PIBF1: variants seen among roughly 807,000 people sequenced by gnomAD.
PIBF1 encodes the protein progesterone-induced-blocking factor 1.
PIBF1 carries 90 observed loss-of-function variants against 112.5 expected under a neutral mutation model. The observed-to-expected ratio is 0.80, with a 90% CI of 0.67 to 0.95. The LOEUF (loss-of-function observed/expected upper bound fraction) is 0.95, where lower values mean the gene tolerates loss of function less well. Ranked by LOEUF, PIBF1 falls within the 40% of genes least tolerant of loss-of-function variation. The pLI, the probability that PIBF1 is intolerant of heterozygous loss-of-function variation, is 0.00. For missense variants in PIBF1, 915 were observed against 852.3 expected (o/e 1.07, Z -0.92); for synonymous variants, 301 against 288.6 (o/e 1.04, Z -0.44).
intron 17 of PIBF1, among the ~76,000 whole-genome samples, chr13:72,999,626 A>G (rs539016878): frequency 1.2e-4 from 18 of 152,336 alleles, no homozygotes; most frequent in African/African-American, 3.8e-4. Context: ...GTTGAATATA[A>G]TAGTCAAATA....
intron 5 of PIBF1, 33 bp downstream of exon 5, chr13:72,798,059 G>A (rs2035282778): frequency 5.8e-6 from 9 of 1,564,402 alleles, no homozygotes; most frequent in African/African-American, 1.4e-5. Context: ...GTGGGAAGAA[G>A]CTTCGGCTTT....
chr13:72,968,657 A>G (rs1484105673), intron 15 of PIBF1, among the ~76,000 whole-genome samples: 1 of 152,036 alleles, frequency 6.6e-6, no homozygotes, highest in Non-Finnish European at 1.5e-5. Context: ...ATTCTATTAA[A>G]ATTAAATTGT....
At chr13:72,914,245 T>A (rs2041005637) in intron 12 of PIBF1, among the ~76,000 whole-genome samples, 1 of 152,204 alleles carries the variant, frequency 6.6e-6, no homozygotes, top group Non-Finnish European at 1.5e-5. Context: ...AATTAAAGTA[T>A]CTTATTTATA....
At chr13:72,828,684 G>A (rs529368703) in intron 8 of PIBF1, among the ~76,000 whole-genome samples, 152 of 152,246 alleles carry the variant, frequency 1.0e-3, no homozygotes, top group African/African-American at 3.3e-3. Flanking sequence ...GTCTGTTATT[G>A]AAGGACATTT....
At chr13:72,821,111 T>C (rs894847276) in intron 5 of PIBF1, among the ~76,000 whole-genome samples, 1 of 152,158 alleles carries the variant, frequency 6.6e-6, no homozygotes, top group African/African-American at 2.4e-5. Context: ...GGGAACAGGT[T>C]AGAAGCAGCA....
chr13:72,795,522 C>T lies in PIBF1; in HGVS notation c.517C>T (p.Pro173Ser). The change falls in exon 4 of 18, where the codon CCT becomes TCT. Residue 173 changes from proline to serine, a missense_variant. Physicochemically the swap from Pro to Ser is moderately conservative, Grantham distance 74. Transcript: ENST00000326291. The part of the protein sequence containing the change: ...EEQYIKLKAF[P>S]EDQLSIPEYV... ...GCAATATATTAAATTAAAAGCTTTTCCTGAAGATCAGCTTTCTATTCCTGA... is the reference window on the plus strand; with the variant it reads ...GCAATATATTAAATTAAAAGCTTTTTCTGAAGATCAGCTTTCTATTCCTGA... The T allele has an allele frequency of 6.3e-7, 1 of 1,599,248 alleles. No individual in the cohort carries two copies.
At chr13:72,953,893 G>C (rs1211164007) in intron 14 of PIBF1, among the ~76,000 whole-genome samples, 1 of 152,084 alleles carries the variant, frequency 6.6e-6, no homozygotes, top group Non-Finnish European at 1.5e-5. Flanking sequence ...CAATGGGCGG[G>C]GCTATGGAGC....
At chr13:72,952,916 A>T (rs2042341650) in intron 14 of PIBF1, among the ~76,000 whole-genome samples, 1 of 150,810 alleles carries the variant, frequency 6.6e-6, no homozygotes, top group African/African-American at 2.4e-5. Flanking sequence ...CCAGTATTTT[A>T]TTCACATGGT....
intron 1 of PIBF1, 80 bp from the exon 2 acceptor site, chr13:72,783,343 C>T: frequency 6.0e-6 from 4 of 662,710 alleles, no homozygotes; most frequent in Non-Finnish European, 7.7e-6. Context: ...TTAAGGAATC[C>T]TTAGTCTCTC....
At chr13:72,944,978 GT>G (rs1264128388) in intron 14 of PIBF1, among the ~76,000 whole-genome samples, 6 of 152,114 alleles carry the variant, frequency 3.9e-5, no homozygotes, top group Admixed American at 3.9e-4. Flanking sequence ...AAGGTTTGGA[GT>G]TTAATTGCTA....
At position 72,783,849 on chromosome 13, in the gene PIBF1, T is replaced by G. The variant is rs926953397; in HGVS notation, c.252+128T>G. 4 of 935,654 alleles carry G rather than the reference T, an allele frequency of 4.3e-6. No individual in the cohort carries two copies. The African/African-American group carries it at 6.6e-5, about 16-fold the overall frequency. 58.0% of individuals were successfully genotyped at this position (935,654 alleles called of 1,614,324 possible). A position where few individuals can be genotyped will look rare whatever the true frequency, so the allele number is the denominator to read the frequency against. On this transcript the variant is annotated intron_variant, in intron 2 of 17. Transcript: ENST00000326291. ...TTTATATTTCTTGACAAGTACAGCC[T>G]TTAAATAATTTTGGTGTTCATAGAA...
At chr13:72,832,072 C>CTTTTTTTTTTTT (rs754794968) in intron 8 of PIBF1, among the ~76,000 whole-genome samples, 4 of 42,904 alleles carry the variant, frequency 9.3e-5, no homozygotes, top group African/African-American at 1.4e-4. Context: ...CAATTCCGGC[C>CTTTTTTTTTTTT]TTTTTTTTTT....
intron 10 of PIBF1, among the ~76,000 whole-genome samples, chr13:72,886,194 C>A (rs1457114199): frequency 6.6e-6 from 1 of 151,986 alleles, no homozygotes; most frequent in Non-Finnish European, 1.5e-5. Context: ...CCTAAAAGTG[C>A]TTTTTCTAAT....
chr13:72,913,700 C>A (rs962508055), intron 12 of PIBF1, among the ~76,000 whole-genome samples: 1 of 151,648 alleles, frequency 6.6e-6, no homozygotes. Flanking sequence ...AACGTCAAGG[C>A]TGCAGTGACT....
intron 12 of PIBF1, among the ~76,000 whole-genome samples, chr13:72,914,936 T>A (rs2041029481): frequency 6.6e-6 from 1 of 152,190 alleles, no homozygotes; most frequent in Non-Finnish European, 1.5e-5. Context: ...CTAATTTTTC[T>A]GTACAGTTGC....
chr13:72,818,603 C>T (rs1321384927), intron 5 of PIBF1, among the ~76,000 whole-genome samples: 1 of 150,792 alleles, frequency 6.6e-6, no homozygotes, highest in African/African-American at 2.4e-5. Flanking sequence ...AATTTCCAAT[C>T]CATATAATTT....
At chr13:72,925,777 A>G (rs2041462840) in intron 13 of PIBF1, among the ~76,000 whole-genome samples, 8 of 151,810 alleles carry the variant, frequency 5.3e-5, no homozygotes, top group Admixed American at 3.9e-4. Context: ...CCTGACCTCA[A>G]GTGATCTGCC....
At position 72,893,890 on chromosome 13, in the gene PIBF1, A is replaced by G; in HGVS notation, c.1429A>G (p.Thr477Ala). 1 of 1,609,816 alleles carries G rather than the reference A, an allele frequency of 6.2e-7. No individual in the cohort carries two copies. Among genetic ancestry groups the G allele is most frequent in the South Asian group, 1.1e-5 (1 of 90,350 alleles). The part of the protein sequence containing the change: ...SERVQLLQEE[T>A]ARNLTQCQLE... ...GCGTGTTCAACTTCTGCAAGAGGAA[A>G]CAGCAAGAAATCTCACACAGTGTCA... The change falls in exon 11 of 18, where the codon ACA becomes GCA. Residue 477 changes from threonine (T) to alanine (A), a missense_variant. Physicochemically the swap from Thr to Ala is moderately conservative, Grantham distance 58. Coordinates refer to ENST00000326291, the MANE Select transcript of PIBF1 (RefSeq NM_006346.4).
intron 14 of PIBF1, among the ~76,000 whole-genome samples, chr13:72,945,149 G>A (rs896802249): frequency 6.6e-6 from 1 of 152,128 alleles, no homozygotes; most frequent in African/African-American, 2.4e-5. Context: ...TGGAGTATTT[G>A]GCTTTCTGTT....
Sources: gnomAD v4.1 joint callset for allele counts (sites outside exome capture counted in the v4.1 genomes callset) on GRCh38, gnomAD v4.1.1 for gene constraint, MANE v1.5 for transcripts, NCBI Gene and HGNC (gene_info 2026-07-23, HGNC 2026-07-21) for gene names.